Variants in SGCD observed in about 807,000 individuals in gnomAD.
The protein encoded by SGCD is delta-sarcoglycan.
In SGCD, 18 loss-of-function variants were observed where a neutral mutation model predicts 36.6. The ratio of observed to expected loss-of-function variants is 0.49; its 90% CI spans 0.34 to 0.73. The LOEUF is 0.73. SGCD is among the 30% of genes least tolerant of loss of function. The pLI is 0.01. For missense variants in SGCD, 387 were observed against 346.7 expected, an observed-to-expected ratio of 1.12 and a Z score of -0.92; for synonymous variants, 133 against 130.6, an observed-to-expected ratio of 1.02 and a Z score of -0.12.
chr5:156,013,810 C>G (rs538813515), intron 1 of SGCD, among the ~76,000 whole-genome samples: 11 of 151,760 alleles, frequency 7.2e-5, no homozygotes, highest in Non-Finnish European at 1.6e-4. Flanking sequence ...TTTTTAATGT[C>G]TATGTCAGAA....
intron 3 of SGCD, among the ~76,000 whole-genome samples, chr5:156,263,344 A>G (rs1367714527): frequency 6.6e-6 from 1 of 152,102 alleles, no homozygotes; most frequent in Non-Finnish European, 1.5e-5. Context: ...CATTTCTCTG[A>G]TCATTAGTGA....
intron 3 of SGCD, among the ~76,000 whole-genome samples, chr5:156,504,231 T>G (rs1243175046): frequency 2.0e-5 from 3 of 150,610 alleles, no homozygotes; most frequent in African/African-American, 7.3e-5. Flanking sequence ...AATTATAAAG[T>G]ACAGATAAGC....
chr5:156,214,265 T>C (rs186094072), intron 3 of SGCD, among the ~76,000 whole-genome samples: 1 of 151,934 alleles, frequency 6.6e-6, no homozygotes, highest in East Asian at 1.9e-4. Flanking sequence ...ATTTACAGGA[T>C]ACCAAATCAA....
intron 7 of SGCD, chr5:156,738,770 A>G (rs375785107): frequency 2.0e-5 from 3 of 152,222 alleles, no homozygotes; most frequent in East Asian, 1.9e-4. Context: ...AATCACTGCC[A>G]TATCGTAAGG....
At chr5:156,207,206 A>G (rs1581168401) in intron 3 of SGCD, among the ~76,000 whole-genome samples, 1 of 152,122 alleles carries the variant, frequency 6.6e-6, no homozygotes, top group South Asian at 2.1e-4. Flanking sequence ...AGGTCACTGC[A>G]TGTACACTTT....
intron 1 of SGCD, among the ~76,000 whole-genome samples, chr5:155,902,679 C>G (rs1212910891): frequency 2.0e-5 from 3 of 152,106 alleles, no homozygotes; most frequent in Non-Finnish European, 4.4e-5. Context: ...GATTATTGTA[C>G]CCAATGGGAC....
At chr5:156,260,440 A>G (rs1765829076) in intron 3 of SGCD, among the ~76,000 whole-genome samples, 1 of 152,176 alleles carries the variant, frequency 6.6e-6, no homozygotes, top group Admixed American at 6.5e-5. Flanking sequence ...AATTTTCAGA[A>G]TAAACTTCTC....
intron 1 of SGCD, among the ~76,000 whole-genome samples, chr5:155,901,326 A>G (rs1257833898): frequency 6.6e-6 from 1 of 151,902 alleles, no homozygotes; most frequent in African/African-American, 2.4e-5. Flanking sequence ...GAAAAAAAAA[A>G]AAAAGTAACA....
In SGCD at chr5:156,416,525, A is replaced by T. The variant is rs184375062; in HGVS notation, c.192+71848A>T. Among the ~76,000 whole-genome samples, 96 of 152,260 alleles carry T rather than the reference A, an allele frequency of 6.3e-4. No individual in the cohort carries two copies. The East Asian group carries it at 9.1e-3, about 14-fold the overall frequency. On this transcript the variant is annotated intron_variant, in intron 3 of 8. Coordinates refer to ENST00000337851, the MANE Select transcript of SGCD (RefSeq NM_000337.6). ...CAAAACACTACTGAAATAAAAAAAA[A>T]TTTTAAATGAAAAAAATGGGGGGGG...
intron 3 of SGCD, among the ~76,000 whole-genome samples, chr5:156,423,276 T>TATATTGTATTATATTATATTTTATA (rs1773457402): frequency 7.5e-4 from 2 of 2,676 alleles, no homozygotes; most frequent in South Asian, 8.9e-3. Context: ...AATATAACAT[T>TATATTGTATTATATTATATTTTATA]ATATTATATT....
intron 1 of SGCD, among the ~76,000 whole-genome samples, chr5:156,094,324 G>A (rs768990043): frequency 3.3e-5 from 5 of 152,158 alleles, no homozygotes; most frequent in African/African-American, 4.8e-5. Context: ...TTTTAAAAGG[G>A]TGAGATCTTC....
At chr5:156,289,163 C>T (rs1017310019) in intron 3 of SGCD, among the ~76,000 whole-genome samples, 4 of 151,992 alleles carry the variant, frequency 2.6e-5, no homozygotes, top group African/African-American at 7.2e-5. Context: ...GTGTATTGAT[C>T]CCCTCGTGGA....
At chr5:156,692,681 C>T (rs533945589) in intron 7 of SGCD, among the ~76,000 whole-genome samples, 9 of 152,252 alleles carry the variant, frequency 5.9e-5, no homozygotes, top group Admixed American at 2.6e-4. Context: ...AACTGCCTAA[C>T]GTGCCTTGGT....
At chr5:155,910,452 T>C (rs1486924554) in intron 1 of SGCD, among the ~76,000 whole-genome samples, 1 of 152,058 alleles carries the variant, frequency 6.6e-6, no homozygotes, top group East Asian at 1.9e-4. Context: ...AATTAGGGCA[T>C]AAAGCCAGTC....
At chr5:156,633,509 T>G (rs1209031582) in intron 6 of SGCD, among the ~76,000 whole-genome samples, 1 of 152,212 alleles carries the variant, frequency 6.6e-6, no homozygotes, top group African/African-American at 2.4e-5. Context: ...GATTTGCCTG[T>G]GTTTGGGTCC....
chr5:155,769,960 A>G, the SGCD span, among the ~76,000 whole-genome samples: 67 of 151,192 alleles, frequency 4.4e-4, no homozygotes, highest in Non-Finnish European at 7.5e-4. Flanking sequence ...TTTCTCTTTC[A>G]TTTTTTTATT....
chr5:156,206,064 A>G (rs1281002540), intron 3 of SGCD, among the ~76,000 whole-genome samples: 1 of 149,980 alleles, frequency 6.7e-6, no homozygotes, highest in African/African-American at 2.4e-5. Context: ...ATGTCCATAT[A>G]TATGTAGACT....
chr5:156,297,812 A>C (rs1016154808), intron 3 of SGCD, among the ~76,000 whole-genome samples: 1 of 151,804 alleles, frequency 6.6e-6, no homozygotes, highest in East Asian at 1.9e-4. Context: ...ATAAATAAAT[A>C]AATAAATAAA....
At chr5:156,286,082 A>G (rs573751501) in intron 3 of SGCD, among the ~76,000 whole-genome samples, 44 of 152,370 alleles carry the variant, frequency 2.9e-4, no homozygotes, top group Non-Finnish European at 4.4e-4. Context: ...AATGCTCATC[A>G]GCACTGGCCA....
Sources: gnomAD v4.1 joint callset for allele counts (sites outside exome capture counted in the v4.1 genomes callset) on GRCh38, gnomAD v4.1.1 for gene constraint, MANE v1.5 for transcripts, NCBI Gene and HGNC (gene_info 2026-07-23, HGNC 2026-07-21) for gene names.